The following MYBL2 variants were observed in gnomAD, a reference collection of about 807,000 sequenced individuals.
MYBL2 encodes the protein MYB proto-oncogene like 2.
In MYBL2, 28 loss-of-function variants were observed where a neutral mutation model predicts 79.9. That is an observed-to-expected ratio of 0.35 (90% CI 0.26 to 0.48). The LOEUF (loss-of-function observed/expected upper bound fraction) is 0.48, where lower values mean the gene tolerates loss of function less well. MYBL2 is among the 20% of genes least tolerant of loss of function. The pLI is 0.99. For missense variants in MYBL2, 735 were observed against 893.9 expected (o/e 0.82, Z 2.27); for synonymous variants, 378 against 361.2 (o/e 1.05, Z -0.53).
intron 3 of MYBL2, 152 bp downstream of exon 3, chr20:43,682,007 A>C: frequency 1.4e-6 from 1 of 740,016 alleles, no homozygotes; most frequent in Non-Finnish European, 2.2e-6. Flanking sequence ...GGACCTTTGT[A>C]GGATCTCTCT....
chr20:43,674,167 G>A (rs955073705), intron 2 of MYBL2, among the ~76,000 whole-genome samples: 26 of 148,842 alleles, frequency 1.7e-4, no homozygotes, highest in African/African-American at 6.4e-4. Context: ...CTATGTCATG[G>A]ACATTGATTG....
At chr20:43,698,084 T>A (rs1299525458) in intron 6 of MYBL2, among the ~76,000 whole-genome samples, 1 of 149,726 alleles carries the variant, frequency 6.7e-6, no homozygotes. Context: ...TTTTTTTATC[T>A]TGTTACTGGT....
intron 2 of MYBL2, among the ~76,000 whole-genome samples, chr20:43,675,128 C>T (rs1225283555): frequency 2.0e-5 from 3 of 151,958 alleles, no homozygotes; most frequent in East Asian, 1.9e-4. Flanking sequence ...CACAGGCATG[C>T]GCCACCACGC....
intron 2 of MYBL2, among the ~76,000 whole-genome samples, chr20:43,675,423 C>G (rs1252498602): frequency 6.6e-6 from 1 of 151,846 alleles, no homozygotes; most frequent in African/African-American, 2.4e-5. Flanking sequence ...AAGCGATTCT[C>G]CTGCCTGAGC....
chr20:43,698,080 T>TTTTTTTTTTTG (rs149530290), intron 6 of MYBL2, among the ~76,000 whole-genome samples: 9 of 122,512 alleles, frequency 7.3e-5, no homozygotes, highest in African/African-American at 1.2e-4. Context: ...TTTTTTTTTT[T>TTTTTTTTTTTG]ATCTTGTTAC....
intron 6 of MYBL2, among the ~76,000 whole-genome samples, chr20:43,697,486 C>T (rs566764216): frequency 6.6e-6 from 1 of 152,036 alleles, no homozygotes; most frequent in Admixed American, 6.6e-5. Flanking sequence ...TGGTGCACGC[C>T]TGTAGTCCCA....
At position 43,685,916 on chromosome 20, in the gene MYBL2, A is replaced by G. The variant is rs191285599; in HGVS notation, c.280-936A>G. Among the ~76,000 whole-genome samples the G allele has an allele frequency of 4.3e-4, 65 of 152,242 alleles. No individual in the cohort carries two copies. The East Asian group carries it at 0.011, about 26-fold the overall frequency. ...GCCGGGCATGGTGGTGCATGCCTGTAATCTCAGCTACTTGGGAGGCTGAGG... is the reference window on the plus strand; with the variant it reads ...GCCGGGCATGGTGGTGCATGCCTGTGATCTCAGCTACTTGGGAGGCTGAGG... On this transcript the variant is annotated intron_variant, in intron 4 of 13. Transcript: ENST00000217026.
intron 6 of MYBL2, among the ~76,000 whole-genome samples, chr20:43,693,115 C>T (rs536665993): frequency 1.6e-4 from 25 of 152,262 alleles, no homozygotes; most frequent in African/African-American, 6.0e-4. Flanking sequence ...TCACTGTAAC[C>T]TCTGCCTCCT....
chr20:43,696,991 C>T (rs1237685654), intron 6 of MYBL2, among the ~76,000 whole-genome samples: 1 of 152,300 alleles, frequency 6.6e-6, no homozygotes, highest in Non-Finnish European at 1.5e-5. Flanking sequence ...TCCCAAAGTG[C>T]TGGGATTACA....
intron 3 of MYBL2, among the ~76,000 whole-genome samples, chr20:43,682,379 C>G (rs975156181): frequency 6.6e-6 from 1 of 152,308 alleles, no homozygotes; most frequent in South Asian, 2.1e-4. Flanking sequence ...ATATGTCTTA[C>G]TGCCTGGGCT....
intron 1 of MYBL2, among the ~76,000 whole-genome samples, chr20:43,668,545 C>A (rs1454995867): frequency 6.6e-6 from 1 of 152,064 alleles, no homozygotes; most frequent in African/African-American, 2.4e-5. Context: ...AAAGATGAAG[C>A]CTTCCATCCC....
chr20:43,712,167 G>A (rs2145735928), intron 11 of MYBL2, among the ~76,000 whole-genome samples: 1 of 152,256 alleles, frequency 6.6e-6, no homozygotes, highest in Non-Finnish European at 1.5e-5. Flanking sequence ...ACTGTCCCAA[G>A]CCTCCGTTCT....
chr20:43,701,761 C>T (rs996468579), intron 7 of MYBL2, among the ~76,000 whole-genome samples: 1 of 152,230 alleles, frequency 6.6e-6, no homozygotes, highest in Admixed American at 6.5e-5. Flanking sequence ...TGGTTCATGT[C>T]TGTAATCCCA....
chr20:43,706,988 A>G (rs557530815), intron 9 of MYBL2, among the ~76,000 whole-genome samples: 54 of 150,900 alleles, frequency 3.6e-4, no homozygotes, highest in Non-Finnish European at 6.5e-4. Flanking sequence ...TGCTGGGATT[A>G]TATGTGTGAG....
intron 9 of MYBL2, among the ~76,000 whole-genome samples, chr20:43,705,872 T>C (rs1452023176): frequency 6.6e-6 from 1 of 151,902 alleles, no homozygotes; most frequent in Non-Finnish European, 1.5e-5. Context: ...AGCTAATTTT[T>C]TGTATTTTTA....
rs2145739134 is a variant in MYBL2 at position 43,716,158 on chromosome 20, TGA to T, written c.*75_*76del. 5 of 1,587,646 alleles carry T rather than the reference TGA, an allele frequency of 3.1e-6. No homozygotes were observed. The South Asian group carries it at 4.5e-5, about 14-fold the overall frequency. ...TGGGGGCAGAGGGGGTCTGTGAATC[TGA>T]GAGTCATTCAGGTGACCTCCTGCAG... On this transcript the variant is annotated 3_prime_UTR_variant, in exon 14 of 14. Transcript: ENST00000217026.
rs555815630 is a variant in MYBL2 at position 43,692,704 on chromosome 20, C to T, written c.663+385C>T. On this transcript the variant is annotated intron_variant, in intron 6 of 13. Coordinates refer to ENST00000217026, the MANE Select transcript of MYBL2 (RefSeq NM_002466.4). ...ATCCCAGCAAGTTGAGAGGCTGAAG[C>T]GGGCGGATTGCTCAAGCCCAGGAGT... 3.9e-5 allele frequency among the ~76,000 whole-genome samples: 6 copies of T among 152,208 alleles called. 1 individual carries two copies. The highest frequency in any genetic ancestry group is 1.2e-4 in the African/African-American group (5 of 41,518).
At chr20:43,675,697 C>T (rs1346376878) in intron 2 of MYBL2, among the ~76,000 whole-genome samples, 2 of 152,002 alleles carry the variant, frequency 1.3e-5, no homozygotes, top group African/African-American at 4.8e-5. Context: ...CCTTTGTGGT[C>T]AGGCTTCCCC....
chr20:43,715,488 C>T (rs111334237), intron 13 of MYBL2, among the ~76,000 whole-genome samples: 1 of 152,238 alleles, frequency 6.6e-6, no homozygotes, highest in Admixed American at 6.5e-5. Context: ...AGTCTCAATG[C>T]TGCTTCCTTA....
Sources: gnomAD v4.1 joint callset for allele counts (sites outside exome capture counted in the v4.1 genomes callset) on GRCh38, gnomAD v4.1.1 for gene constraint, MANE v1.5 for transcripts, NCBI Gene and HGNC (gene_info 2026-07-23, HGNC 2026-07-21) for gene names.